The following HMG20B variants were observed in gnomAD, a reference collection of about 807,000 sequenced individuals.
HMG20B encodes the protein SWI/SNF-related matrix-associated actin-dependent regulator of chromatin subfamily E member 1-related.
HMG20B carries 24 observed loss-of-function variants against 41.6 expected under a neutral mutation model. The observed-to-expected ratio is 0.58, with a 90% confidence interval of 0.42 to 0.81. The LOEUF (loss-of-function observed/expected upper bound fraction) is 0.81. HMG20B is among the 30% of genes least tolerant of loss of function. The pLI, the probability that HMG20B is intolerant of heterozygous loss-of-function variation, is 0.00. For synonymous variants in HMG20B, 251 were observed against 186.6 expected, an observed-to-expected ratio of 1.34 and a Z score of -2.81; for missense variants, 461 against 444.0, an observed-to-expected ratio of 1.04 and a Z score of -0.34.
At position 3,578,881 on chromosome 19, in the gene HMG20B, G is replaced by C. The variant is rs1208819753; in HGVS notation, c.*360G>C. On this transcript the variant is annotated 3_prime_UTR_variant, in exon 10 of 10. Coordinates refer to ENST00000333651, the MANE Select transcript of HMG20B (RefSeq NM_006339.3). ...CAGGACCCCCCAAATTACTCACTACGGGGGGCTGTGCCATAGGCCACACAG... is the reference window on the plus strand; with the variant it reads ...CAGGACCCCCCAAATTACTCACTACCGGGGGCTGTGCCATAGGCCACACAG... 1 of 534,830 alleles carries C rather than the reference G, an allele frequency of 1.9e-6. No homozygotes were observed. The highest frequency in any genetic ancestry group is 3.6e-6 in the Non-Finnish European group (1 of 278,130). The allele number at this position is 534,830 out of a possible 1,614,324, so 33.1% of individuals were successfully genotyped here.
At chr19:3,573,642 G>C in intron 2 of HMG20B, 50 bp from the exon 3 acceptor site, 1 of 1,428,984 alleles carries the variant, frequency 7.0e-7, no homozygotes, top group Non-Finnish European at 9.2e-7. Flanking sequence ...GGGCTTTTGG[G>C]GGAGGGGAGA....
intron 4 of HMG20B, among the ~76,000 whole-genome samples, chr19:3,574,872 C>T (rs1244105467): frequency 1.3e-5 from 2 of 152,180 alleles, no homozygotes; most frequent in African/African-American, 4.8e-5. Flanking sequence ...GCGCGTGCTA[C>T]CATGCCCTGC....
At chr19:3,577,606 C>T (rs1219512335) in intron 8 of HMG20B, among the ~76,000 whole-genome samples, 1 of 131,552 alleles carries the variant, frequency 7.6e-6, no homozygotes, top group Non-Finnish European at 1.6e-5. Context: ...CCCCACCTCC[C>T]CACGCCCCCG....
chr19:3,576,249 C>T lies in HMG20B; in HGVS notation c.473-12C>T, dbSNP rs777434905. 4 of 1,613,512 alleles carry T rather than the reference C, an allele frequency of 2.5e-6. No individual in the cohort carries two copies. Among genetic ancestry groups the T allele is most frequent in the African/African-American group, 2.7e-5 (2 of 74,916 alleles). Reference sequence around the variant, plus strand: ...CTGGGAGGCTGACCCTGCCCTTCCCCTCCCCCGCCAGAAGACTCGAGCTCT... The same window carrying T: ...CTGGGAGGCTGACCCTGCCCTTCCCTTCCCCCGCCAGAAGACTCGAGCTCT... On this transcript the variant is annotated splice_polypyrimidine_tract_variant and intron_variant, in intron 5 of 9. Coordinates refer to ENST00000333651, the MANE Select transcript of HMG20B (RefSeq NM_006339.3).
intron 9 of HMG20B, 135 bp from the exon 10 acceptor site, chr19:3,578,374 A>G: frequency 1.5e-6 from 2 of 1,303,534 alleles, no homozygotes; most frequent in Non-Finnish European, 2.1e-6. Context: ...CGGGTTAGAT[A>G]GGTTCAACGC....
In HMG20B at chr19:3,573,361, TC is replaced by T; in HGVS notation, c.38+18del. 2 of 1,526,470 alleles carry T rather than the reference TC, an allele frequency of 1.3e-6. No individual in the cohort carries two copies. The highest frequency in any genetic ancestry group is 1.8e-6 in the Non-Finnish European group (2 of 1,137,208). The allele number at this position is 1,526,470 out of a possible 1,614,324, so 94.6% of individuals were successfully genotyped here. A position where few individuals can be genotyped will look rare whatever the true frequency, so the allele number is the denominator to read the frequency against. On this transcript the variant is annotated intron_variant, in intron 2 of 9. Coordinates refer to ENST00000333651, the MANE Select transcript of HMG20B (RefSeq NM_006339.3). The stretch of plus-strand genomic sequence containing the variant: ...CGCGGCCGCCGCGTGAGTGCACTGA[TC>T]CCCTCCCCACGCCCTCGCTACTTTC...
At position 3,578,848 on chromosome 19, in the gene HMG20B, G is replaced by C. The variant is rs541460881; in HGVS notation, c.*327G>C. 42 of 623,902 alleles carry C rather than the reference G, an allele frequency of 6.7e-5. No individual in the cohort carries two copies. Among genetic ancestry groups the C allele is most frequent in the South Asian group, 5.4e-4 (36 of 67,216 alleles). 38.6% of individuals were successfully genotyped at this position (623,902 alleles called of 1,614,324 possible). ...ACAGGGCAGACGAAACCCACCCCCA[G>C]CACACGGCAGGACCCCCCAAATTAC... On this transcript the variant is annotated 3_prime_UTR_variant, in exon 10 of 10. Coordinates refer to ENST00000333651, the MANE Select transcript of HMG20B (RefSeq NM_006339.3).
chr19:3,573,779 G>C lies in HMG20B; in HGVS notation c.126G>C (p.Glu42Asp), dbSNP rs760352048. 1.9e-5 allele frequency: 30 copies of C among 1,579,262 alleles called. No individual in the cohort carries two copies. The highest frequency in any genetic ancestry group is 2.6e-5 in the Non-Finnish European group (30 of 1,165,862). Residue 42 changes from glutamate to aspartate, a missense_variant, in exon 3 of 10, where the codon GAG becomes GAC. Physicochemically the swap from Glu to Asp is conservative, Grantham distance 45 (BLOSUM62 2). This residue lies in a region of HMG20B where 104 missense variants were observed against 76.5 expected (regional missense o/e 1.36). Coordinates refer to ENST00000333651, the MANE Select transcript of HMG20B (RefSeq NM_006339.3). The part of the protein sequence containing the change: ...QERGEGPRAG[E>D]KGSHEEEPVK... Reference sequence around the variant, plus strand: ...GCGGCGAGGGTCCACGCGCGGGCGAGAAGGGGTCCCACGAGGAGGAGGTGA... The same window carrying C: ...GCGGCGAGGGTCCACGCGCGGGCGACAAGGGGTCCCACGAGGAGGAGGTGA...
rs1177982077 is a variant in HMG20B at position 3,578,608 on chromosome 19, C to A, written c.*87C>A. The A allele has an allele frequency of 6.7e-7, 1 of 1,501,976 alleles. No homozygotes were observed. Among genetic ancestry groups the A allele is most frequent in the South Asian group, 1.2e-5 (1 of 83,000 alleles). The allele number at this position is 1,501,976 out of a possible 1,614,324, so 93.0% of individuals were successfully genotyped here. On this transcript the variant is annotated 3_prime_UTR_variant, in exon 10 of 10. Coordinates refer to ENST00000333651, the MANE Select transcript of HMG20B (RefSeq NM_006339.3). ...CCGTGGACGAGAGGCTGGGGGTCCA[C>A]CCTTTGGGGCCTGGTCCCATCCTGC...
Position 3,578,041 on chromosome 19 carries a change from C to T in HMG20B, c.869C>T (p.Ala290Val). ...TTCTACATGGCCCGGCTTCACGGAG[C>T]CATCGAGCGCGACCCCGCCCAGCAC... is the stretch of plus-strand genomic sequence containing the variant. ...LDFYMARLHG[A>V]IERDPAQHEK... The change falls in exon 9 of 10, where the codon GCC (alanine) becomes GTC (valine). Residue 290 changes from alanine (A) to valine (V), a missense_variant. Transcript: ENST00000333651. The T allele has an allele frequency of 1.2e-6, 2 of 1,610,132 alleles. No individual in the cohort carries two copies. Among genetic ancestry groups the T allele is most frequent in the South Asian group, 1.1e-5 (1 of 90,926 alleles).
chr19:3,573,781 A>T lies in HMG20B; in HGVS notation c.128A>T (p.Lys43Met). The T allele has an allele frequency of 6.3e-7, 1 of 1,579,520 alleles. No homozygotes were observed. The highest frequency in any genetic ancestry group is 1.4e-5 in the African/African-American group (1 of 72,982). Reference sequence around the variant, plus strand: ...GGCGAGGGTCCACGCGCGGGCGAGAAGGGGTCCCACGAGGAGGAGGTGAGA... The same window carrying T: ...GGCGAGGGTCCACGCGCGGGCGAGATGGGGTCCCACGAGGAGGAGGTGAGA... Reference protein sequence around the residue: ...ERGEGPRAGEKGSHEEEPVKK... With the variant: ...ERGEGPRAGEMGSHEEEPVKK... The change falls in exon 3 of 10, where the codon AAG becomes ATG. Residue 43 changes from lysine (K) to methionine (M), a missense_variant. Lys to Met is a moderately conservative substitution (Grantham distance 95). Transcript: ENST00000333651.
In HMG20B at chr19:3,578,702, C is replaced by T. The variant is rs566051093; in HGVS notation, c.*181C>T. 7.0e-6 allele frequency: 6 copies of T among 855,548 alleles called. No homozygotes were observed. The highest frequency in any genetic ancestry group is 5.8e-5 in the Admixed American group (3 of 51,718). 53.0% of individuals were successfully genotyped at this position (855,548 alleles called of 1,614,324 possible). On this transcript the variant is annotated 3_prime_UTR_variant, in exon 10 of 10. Transcript: ENST00000333651. ...TCCCTTTAGCTTTCAATCTCCCCAG[C>T]CCCCTGAACCCGGAAAAAGCACTCG...
rs1254325350 is a variant in HMG20B at position 3,578,838 on chromosome 19, C to A, written c.*317C>A. On this transcript the variant is annotated 3_prime_UTR_variant, in exon 10 of 10. Transcript: ENST00000333651. ...CCCCCAGGACACAGGGCAGACGAAACCCACCCCCAGCACACGGCAGGACCC... is the reference window on the plus strand; with the variant it reads ...CCCCCAGGACACAGGGCAGACGAAAACCACCCCCAGCACACGGCAGGACCC... The A allele has an allele frequency of 1.5e-6, 1 of 657,626 alleles. No individual in the cohort carries two copies. The highest frequency in any genetic ancestry group is 1.5e-5 in the South Asian group (1 of 67,950). 40.7% of individuals were successfully genotyped at this position (657,626 alleles called of 1,614,324 possible). A position where few individuals can be genotyped will look rare whatever the true frequency, so the allele number is the denominator to read the frequency against.
intron 5 of HMG20B, 21 bp from the exon 6 acceptor site, chr19:3,576,240 G>A: frequency 2.5e-6 from 4 of 1,612,952 alleles, no homozygotes; most frequent in Non-Finnish European, 3.4e-6. Flanking sequence ...GGCTGACCCT[G>A]CCCTTCCCCT....
intron 9 of HMG20B, 112 bp downstream of exon 9, chr19:3,578,225 G>C: frequency 4.9e-6 from 7 of 1,439,336 alleles, no homozygotes; most frequent in Non-Finnish European, 6.6e-6. Context: ...GCTTACTAGA[G>C]ATCACCTCCC....
At position 3,575,857 on chromosome 19, in the gene HMG20B, T is replaced by C. The variant is rs558800519; in HGVS notation, c.472+197T>C. 56 of 528,814 alleles carry C rather than the reference T, an allele frequency of 1.1e-4. No individual in the cohort carries two copies. The Admixed American group carries it at 1.7e-3, about 16-fold the overall frequency. 32.8% of individuals were successfully genotyped at this position (528,814 alleles called of 1,614,324 possible). A position where few individuals can be genotyped will look rare whatever the true frequency, so the allele number is the denominator to read the frequency against. ...TACTCGGGAGGCTGAGGCAGGAGAA[T>C]TGCTTGAACCCGGGAGGTGGAGGTT... On this transcript the variant is annotated intron_variant, in intron 5 of 9. Transcript: ENST00000333651.
rs1362424856 is a variant in HMG20B at position 3,578,970 on chromosome 19, G to A, written c.*449G>A. 2 of 369,686 alleles carry A rather than the reference G, an allele frequency of 5.4e-6. No homozygotes were observed. Among genetic ancestry groups the A allele is most frequent in the Non-Finnish European group, 5.4e-6 (1 of 186,718 alleles). The allele number at this position is 369,686 out of a possible 1,614,324, so 22.9% of individuals were successfully genotyped here. A position where few individuals can be genotyped will look rare whatever the true frequency, so the allele number is the denominator to read the frequency against. On this transcript the variant is annotated 3_prime_UTR_variant, in exon 10 of 10. Transcript: ENST00000333651. The stretch of plus-strand genomic sequence containing the variant: ...CATGCCTGTACCCCAGATGGGTGGG[G>A]GCCGGCTTTGCCCATCCTGCTCTCC...
At chr19:3,578,212 G>A (rs764896838) in intron 9 of HMG20B, 99 bp downstream of exon 9, 19 of 1,488,792 alleles carry the variant, frequency 1.3e-5, no homozygotes, top group East Asian at 4.6e-5. Context: ...GTGGGACTCC[G>A]CAGCTTACTA....
intron 2 of HMG20B, 105 bp from the exon 3 acceptor site, chr19:3,573,587 A>G: frequency 1.9e-6 from 2 of 1,077,968 alleles, no homozygotes; most frequent in Middle Eastern, 5.7e-4. Context: ...GGGCTCATGC[A>G]CTCTCGCTGC....
Sources: allele counts gnomAD v4.1 joint callset (sites outside exome capture counted in the v4.1 genomes callset), GRCh38; gene constraint gnomAD v4.1.1; regional missense constraint gnomAD v4.1.1; transcripts MANE v1.5; gene names NCBI Gene and HGNC (gene_info 2026-07-23, HGNC 2026-07-21).